Variants in JPH1 observed in about 807,000 individuals in gnomAD.
The protein encoded by JPH1 is junctophilin-1.
JPH1 carries 12 observed loss-of-function variants against 53.6 expected under a neutral mutation model. That is an observed-to-expected ratio of 0.22 (90% CI 0.14 to 0.36). JPH1 has a LOEUF of 0.36. JPH1 is among the 10% of genes least tolerant of loss of function. The pLI, the probability that JPH1 is intolerant of heterozygous loss-of-function variation, is 1.00. For missense variants in JPH1, 808 were observed against 905.5 expected, an observed-to-expected ratio of 0.89 and a Z score of 1.38; for synonymous variants, 375 against 363.8, an observed-to-expected ratio of 1.03 and a Z score of -0.35.
At chr8:74,256,543 AAAAG>A (rs995321244) in intron 3 of JPH1, among the ~76,000 whole-genome samples, 14 of 149,086 alleles carry the variant, frequency 9.4e-5, no homozygotes, top group African/African-American at 3.6e-4. Context: ...AAAAAAAAAA[AAAAG>A]AACTCAAACA....
intron 3 of JPH1, among the ~76,000 whole-genome samples, chr8:74,257,973 G>GC (rs143286112): frequency 0.014 from 2,123 of 152,160 alleles, 64 homozygotes; most frequent in African/African-American, 0.049. Context: ...GGAACCTCCT[G>GC]CCCCCATTCT....
chr8:74,304,179 C>CTAGGTA lies in JPH1; in HGVS notation c.1139+10681_1139+10682insTACCTA, dbSNP rs1807766538. Among the ~76,000 whole-genome samples, 3 of 152,342 alleles carry CTAGGTA rather than the reference C, an allele frequency of 2.0e-5. No homozygotes were observed. In the South Asian group the frequency reaches 6.2e-4, roughly 32 times the overall value. ...ATCCAATGGGTAATAACTGCTTTTT[C>CTAGGTA]ATCTGTCCTAACCAGACTCCATGAT... On this transcript the variant is annotated intron_variant, in intron 2 of 5. Coordinates refer to ENST00000342232, the MANE Select transcript of JPH1 (RefSeq NM_020647.4).
At chr8:74,303,609 G>A (rs151190769) in intron 2 of JPH1, among the ~76,000 whole-genome samples, 1 of 152,080 alleles carries the variant, frequency 6.6e-6, no homozygotes, top group Non-Finnish European at 1.5e-5. Context: ...TTAGAGACAG[G>A]GTCTTGCTCT....
chr8:74,255,223 C>G (rs1806184504), intron 3 of JPH1, among the ~76,000 whole-genome samples: 1 of 152,070 alleles, frequency 6.6e-6, no homozygotes, highest in East Asian at 1.9e-4. Flanking sequence ...CAGAACAGAG[C>G]CCTCAGAAAT....
chr8:74,260,810 C>T (rs1806375592), intron 2 of JPH1, among the ~76,000 whole-genome samples: 1 of 152,186 alleles, frequency 6.6e-6, no homozygotes, highest in African/African-American at 2.4e-5. Context: ...CCTGTGCTCT[C>T]ACGGGACTCC....
At chr8:74,317,953 G>C (rs770639272) in intron 1 of JPH1, among the ~76,000 whole-genome samples, 5 of 152,136 alleles carry the variant, frequency 3.3e-5, no homozygotes, top group Admixed American at 1.3e-4. Flanking sequence ...ATAGGGAAGG[G>C]GGGGACAAGA....
intron 2 of JPH1, among the ~76,000 whole-genome samples, chr8:74,283,984 C>T (rs1237999092): frequency 6.6e-6 from 1 of 152,168 alleles, no homozygotes; most frequent in Admixed American, 6.5e-5. Context: ...TTACATTCCT[C>T]CCCTCCACCC....
In JPH1 at chr8:74,320,086, T is replaced by C. The variant is rs1808270981; in HGVS notation, c.379+823A>G. 6.6e-6 allele frequency among the ~76,000 whole-genome samples: 1 copy of C among 152,118 alleles called. No individual in the cohort carries two copies. Among genetic ancestry groups the C allele is most frequent in the Admixed American group, 6.5e-5 (1 of 15,272 alleles). On this transcript the variant is annotated intron_variant, in intron 1 of 5. Coordinates refer to ENST00000342232, the MANE Select transcript of JPH1 (RefSeq NM_020647.4). The surrounding 1 kb of genome is among the most constrained non-coding windows in gnomAD (Gnocchi z 4.4). ...GTTTCAGTATTGCCATTCTCAGGAG[T>C]AGTAGCTGCTAACTTAGCAGCTATA...
intron 3 of JPH1, among the ~76,000 whole-genome samples, chr8:74,250,922 A>G (rs993690198): frequency 6.6e-6 from 1 of 152,214 alleles, no homozygotes; most frequent in South Asian, 2.1e-4. Flanking sequence ...TCATGCTGAT[A>G]CTACCAGTAC....
At chr8:74,313,545 G>A (rs1416531177) in intron 2 of JPH1, among the ~76,000 whole-genome samples, 2 of 141,986 alleles carry the variant, frequency 1.4e-5, no homozygotes, top group Non-Finnish European at 3.1e-5. Flanking sequence ...TATTTTTTAA[G>A]TAGAGGAATT....
chr8:74,314,305 C>A (rs1023603915), intron 2 of JPH1, among the ~76,000 whole-genome samples: 1 of 152,178 alleles, frequency 6.6e-6, no homozygotes, highest in Non-Finnish European at 1.5e-5. Context: ...CCACTTTTGC[C>A]ATATGTAGAT....
chr8:74,255,331 T>C (rs1806187584), intron 3 of JPH1, among the ~76,000 whole-genome samples: 1 of 152,082 alleles, frequency 6.6e-6, no homozygotes, highest in Admixed American at 6.5e-5. Context: ...CTGGGAAAAC[T>C]GGCTAGCCAT....
intron 2 of JPH1, among the ~76,000 whole-genome samples, chr8:74,268,710 T>C (rs1481376988): frequency 6.6e-6 from 1 of 152,210 alleles, no homozygotes; most frequent in African/African-American, 2.4e-5. Context: ...GCTGTTTTTG[T>C]TCACATATCA....
In JPH1 at chr8:74,236,090, TTG is replaced by T. The variant is rs1370992613; in HGVS notation, c.*959_*960del. ...TTGGACTATATTTCTTAGAATTCTGTTGTGTTTCAGCTTTTAAAATTTAGCAC... is the reference window on the plus strand; with the variant it reads ...TTGGACTATATTTCTTAGAATTCTGTTGTTTCAGCTTTTAAAATTTAGCAC... On this transcript the variant is annotated 3_prime_UTR_variant, in exon 6 of 6. Coordinates refer to ENST00000342232, the MANE Select transcript of JPH1 (RefSeq NM_020647.4). 6.6e-6 allele frequency: 1 copy of T among 152,206 alleles called. No homozygotes were observed. The highest frequency in any genetic ancestry group is 2.4e-5 in the African/African-American group (1 of 41,438). The allele number at this position is 152,206 out of a possible 1,614,324, so 9.4% of individuals were successfully genotyped here.
At chr8:74,299,641 T>C (rs191372898) in intron 2 of JPH1, among the ~76,000 whole-genome samples, 29 of 152,344 alleles carry the variant, frequency 1.9e-4, no homozygotes, top group African/African-American at 7.0e-4. Flanking sequence ...CTTTGCTCAA[T>C]TAAACTCTGT....
chr8:74,278,979 G>GCACACGCGCGCACACACA (rs1806930332), intron 2 of JPH1, among the ~76,000 whole-genome samples: 1 of 131,574 alleles, frequency 7.6e-6, no homozygotes, highest in African/African-American at 3.1e-5. Context: ...AAACACACAC[G>GCACACGCGCGCACACACA]CACACGCGCG....
At position 74,315,750 on chromosome 8, in the gene JPH1, A is replaced by ACC; in HGVS notation, c.380-131_380-130insGG. 1.2e-6 allele frequency: 1 copy of ACC among 848,586 alleles called. No individual in the cohort carries two copies. The highest frequency in any genetic ancestry group is 1.7e-6 in the Non-Finnish European group (1 of 586,704). The allele number at this position is 848,586 out of a possible 1,614,324, so 52.6% of individuals were successfully genotyped here. ...CCCATTTCCAAGTCAACCCTGGGGG[A>ACC]TACTTTGCATCCACTTGTGAATCCC... On this transcript the variant is annotated intron_variant, in intron 1 of 5. Coordinates refer to ENST00000342232, the MANE Select transcript of JPH1 (RefSeq NM_020647.4). This position sits in a 1 kb window ranked among gnomAD's most constrained non-coding sequence, Gnocchi z 6.3.
At chr8:74,294,064 C>A (rs909870385) in intron 2 of JPH1, among the ~76,000 whole-genome samples, 3 of 152,128 alleles carry the variant, frequency 2.0e-5, no homozygotes, top group African/African-American at 7.2e-5. Flanking sequence ...TCTGGTCTGT[C>A]CTTGGGGGCT....
chr8:74,280,577 A>T (rs1312756762), intron 2 of JPH1, among the ~76,000 whole-genome samples: 2 of 152,198 alleles, frequency 1.3e-5, no homozygotes, highest in African/African-American at 4.8e-5. Flanking sequence ...AAGGAACAGC[A>T]CAGAGAAAAG....
Sources: allele counts gnomAD v4.1 joint callset (sites outside exome capture counted in the v4.1 genomes callset), GRCh38; gene constraint gnomAD v4.1.1; non-coding constraint Gnocchi (gnomAD v3.1); transcripts MANE v1.5; gene names NCBI Gene and HGNC (gene_info 2026-07-23, HGNC 2026-07-21).